The following DLGAP2 variants were observed in gnomAD, a reference collection of about 807,000 sequenced individuals.
DLGAP2 encodes DLG associated protein 2, also known as disks large-associated protein 2.
In DLGAP2, 26 loss-of-function variants were observed where a neutral mutation model predicts 100.3. That is an observed-to-expected ratio of 0.26 (90% CI 0.19 to 0.36). The LOEUF (loss-of-function observed/expected upper bound fraction) is 0.36, where lower values mean the gene tolerates loss of function less well. DLGAP2 is among the 10% of genes least tolerant of loss of function. DLGAP2 has a pLI of 1.00. For missense variants in DLGAP2, 1,858 were observed against 1,453.2 expected (o/e 1.28, Z -4.53); for synonymous variants, 886 against 630.1 (o/e 1.41, Z -6.08).
chr8:1,528,274 G>C (rs1157344329), intron 4 of DLGAP2, among the ~76,000 whole-genome samples: 1 of 152,210 alleles, frequency 6.6e-6, no homozygotes, highest in Non-Finnish European at 1.5e-5. Context: ...CCCACCCCAG[G>C]CAGGAGGACA....
chr8:1,012,940 T>G (rs1428906730), intron 2 of DLGAP2, among the ~76,000 whole-genome samples: 1 of 152,100 alleles, frequency 6.6e-6, no homozygotes, highest in African/African-American at 2.4e-5. Flanking sequence ...GTTTAACCTC[T>G]CTGCAAACAG....
chr8:1,383,941 T>A (rs1796153837), intron 3 of DLGAP2, among the ~76,000 whole-genome samples: 1 of 152,182 alleles, frequency 6.6e-6, no homozygotes, highest in African/African-American at 2.4e-5. Context: ...TTCTCCGATG[T>A]GTTACATTCA....
At chr8:860,018 C>T (rs1378091789) in intron 1 of DLGAP2, among the ~76,000 whole-genome samples, 1 of 152,146 alleles carries the variant, frequency 6.6e-6, no homozygotes, top group East Asian at 1.9e-4. Flanking sequence ...ATTAAAGTTA[C>T]TGCTAATTAA....
intron 4 of DLGAP2, among the ~76,000 whole-genome samples, chr8:1,527,438 G>C (rs1005166886): frequency 5.9e-5 from 9 of 152,338 alleles, no homozygotes; most frequent in African/African-American, 1.9e-4. Flanking sequence ...GATGTCAGTG[G>C]AAAGCCATAA....
At chr8:882,150 C>T (rs1797813266) in intron 1 of DLGAP2, among the ~76,000 whole-genome samples, 2 of 152,222 alleles carry the variant, frequency 1.3e-5, no homozygotes, top group Non-Finnish European at 2.9e-5. Context: ...GTCAGTGATG[C>T]TCCAAATGAG....
At chr8:1,338,197 A>G (rs1801332811) in intron 3 of DLGAP2, among the ~76,000 whole-genome samples, 1 of 152,224 alleles carries the variant, frequency 6.6e-6, no homozygotes. Flanking sequence ...ATCCCAGAGA[A>G]ATGAAGACGT....
Position 944,182 on chromosome 8 carries a change from C to T in DLGAP2, c.73+36216C>T, listed in dbSNP as rs370862866. Among the ~76,000 whole-genome samples the T allele has an allele frequency of 5.7e-4, 86 of 151,366 alleles. No homozygotes were observed. In the East Asian group the frequency reaches 0.012, roughly 21 times the overall value. ...GATCCCTGTGGGGTGATCCAGTGGGCGGTAACCCGTCCCTGTGAGTGATTC... is the reference window on the plus strand; with the variant it reads ...GATCCCTGTGGGGTGATCCAGTGGGTGGTAACCCGTCCCTGTGAGTGATTC... On this transcript the variant is annotated intron_variant, in intron 2 of 14. Coordinates refer to ENST00000637795, the MANE Select transcript of DLGAP2 (RefSeq NM_001346810.2).
chr8:1,087,309 C>G (rs1386932440), intron 2 of DLGAP2, among the ~76,000 whole-genome samples: 1 of 152,088 alleles, frequency 6.6e-6, no homozygotes, highest in Middle Eastern at 3.4e-3. Flanking sequence ...TTTAGTATGC[C>G]CAGACTCTTT....
chr8:1,017,660 G>C (rs1801504291), intron 2 of DLGAP2, among the ~76,000 whole-genome samples: 1 of 152,210 alleles, frequency 6.6e-6, no homozygotes. Context: ...TCCACTGTGT[G>C]TGACCAGGAG....
chr8:966,944 A>G (rs996272151), intron 2 of DLGAP2, among the ~76,000 whole-genome samples: 3 of 152,262 alleles, frequency 2.0e-5, no homozygotes, highest in African/African-American at 7.2e-5. Flanking sequence ...TACATCAGAT[A>G]AATCTACTGG....
chr8:834,117 C>G (rs931610000), intron 1 of DLGAP2, among the ~76,000 whole-genome samples: 4 of 152,150 alleles, frequency 2.6e-5, no homozygotes, highest in Non-Finnish European at 5.9e-5. Flanking sequence ...TCAGCGTTGC[C>G]TAGTACAGCA....
At chr8:1,523,207 G>A (rs1273621285) in intron 4 of DLGAP2, among the ~76,000 whole-genome samples, 2 of 152,222 alleles carry the variant, frequency 1.3e-5, no homozygotes, top group African/African-American at 4.8e-5. Flanking sequence ...CCTGCCAGGG[G>A]CCCACAGCAT....
At chr8:1,483,419 C>G (rs1364036577) in intron 3 of DLGAP2, among the ~76,000 whole-genome samples, 2 of 152,066 alleles carry the variant, frequency 1.3e-5, no homozygotes, top group Non-Finnish European at 2.9e-5. Flanking sequence ...CTTGACGGAC[C>G]CAGAAGCTGA....
At chr8:1,572,158 G>C (rs1453755011) in intron 6 of DLGAP2, among the ~76,000 whole-genome samples, 4 of 134,118 alleles carry the variant, frequency 3.0e-5, no homozygotes, top group Non-Finnish European at 6.4e-5. Flanking sequence ...AGAGGAGAGA[G>C]GGTGAACTGT....
At chr8:1,543,998 A>C (rs942397207) in intron 4 of DLGAP2, among the ~76,000 whole-genome samples, 9 of 151,924 alleles carry the variant, frequency 5.9e-5, no homozygotes, top group African/African-American at 1.9e-4. Flanking sequence ...GAACTCCCAG[A>C]CTCAAGCAAT....
At chr8:1,514,049 T>C (rs1192925138) in intron 4 of DLGAP2, among the ~76,000 whole-genome samples, 1 of 152,204 alleles carries the variant, frequency 6.6e-6, no homozygotes, top group Non-Finnish European at 1.5e-5. Context: ...CTTTAAATAA[T>C]TTACTTCTGA....
chr8:776,290 T>A (rs1821514024), intron 1 of DLGAP2, among the ~76,000 whole-genome samples: 1 of 152,194 alleles, frequency 6.6e-6, no homozygotes, highest in Non-Finnish European at 1.5e-5. Flanking sequence ...GTTGATCCTT[T>A]CAAGAAACCA....
intron 2 of DLGAP2, among the ~76,000 whole-genome samples, chr8:958,257 C>G (rs1284657348): frequency 6.6e-6 from 1 of 151,970 alleles, no homozygotes; most frequent in South Asian, 2.1e-4. Flanking sequence ...TGTGTGGACA[C>G]CCCCCCACCG....
chr8:1,629,503 A>G (rs1004943753), intron 7 of DLGAP2, among the ~76,000 whole-genome samples: 20 of 152,224 alleles, frequency 1.3e-4, no homozygotes, highest in African/African-American at 4.8e-4. Context: ...CTGAGGAAAC[A>G]TTCTATTTCA....
Sources: gnomAD v4.1 joint callset for allele counts (sites outside exome capture counted in the v4.1 genomes callset) on GRCh38, gnomAD v4.1.1 for gene constraint, MANE v1.5 for transcripts, NCBI Gene and HGNC (gene_info 2026-07-23, HGNC 2026-07-21) for gene names.